Variants in GLG1 observed in about 807,000 individuals in gnomAD.
GLG1 encodes Golgi apparatus protein 1.
In GLG1, 38 loss-of-function variants were observed where a neutral mutation model predicts 160.5. The observed-to-expected ratio is 0.24, with a 90% CI of 0.18 to 0.31. GLG1 has a LOEUF of 0.31. Among genes scored for constraint, GLG1 ranks in the 10% least tolerant of loss-of-function variants. The pLI is 1.00. For missense variants in GLG1, 1,373 were observed against 1,505.2 expected (o/e 0.91, Z 1.45); for synonymous variants, 644 against 543.4 (o/e 1.19, Z -2.57).
chr16:74,535,871 CAATT>C (rs547387861), intron 1 of GLG1, among the ~76,000 whole-genome samples: 36 of 152,092 alleles, frequency 2.4e-4, no homozygotes, highest in African/African-American at 8.7e-4. Flanking sequence ...ATAATTGTGA[CAATT>C]AATTTCAGAA....
chr16:74,556,166 A>C (rs946889412), intron 1 of GLG1, among the ~76,000 whole-genome samples: 5 of 152,202 alleles, frequency 3.3e-5, no homozygotes, highest in African/African-American at 1.2e-4. Context: ...TACAGTTAAC[A>C]GTTAATTACA....
intron 1 of GLG1, among the ~76,000 whole-genome samples, chr16:74,571,483 G>A (rs1167956413): frequency 6.6e-6 from 1 of 152,022 alleles, no homozygotes; most frequent in Non-Finnish European, 1.5e-5. Context: ...GACCAGACTG[G>A]GCAACATTCA....
intron 13 of GLG1, among the ~76,000 whole-genome samples, chr16:74,473,108 C>T (rs539120056): frequency 2.0e-5 from 3 of 152,372 alleles, no homozygotes; most frequent in South Asian, 2.1e-4. Flanking sequence ...TAGTTCCCCA[C>T]TTCTCTGATT....
Position 74,496,588 on chromosome 16 carries a change from T to G in GLG1, c.831A>C (p.Glu277Asp). The G allele has an allele frequency of 6.2e-7, 1 of 1,613,524 alleles. No homozygotes were observed. The highest frequency in any genetic ancestry group is 1.1e-5 in the South Asian group (1 of 91,064). Residue 277 changes from glutamate to aspartate, a missense_variant, in exon 5 of 26, where the codon GAA becomes GAC. Physicochemically the swap from Glu to Asp is conservative, Grantham distance 45 (BLOSUM62 2). Coordinates refer to ENST00000422840, the MANE Select transcript of GLG1 (RefSeq NM_001145667.2). ...GAATCTTGGGTTCTCTTTCTTCTGC[T>G]TCTTTCACCAGGCCTTTCTCCAAGC... The part of the protein sequence containing the change: ...VSCLEKGLVK[E>D]AEEREPKIQV...
intron 1 of GLG1, among the ~76,000 whole-genome samples, chr16:74,595,515 C>T (rs985765208): frequency 6.6e-6 from 1 of 152,120 alleles, no homozygotes; most frequent in Admixed American, 6.6e-5. Flanking sequence ...CCCGCCTGGG[C>T]GACAGAGCAA....
chr16:74,455,682 G>A (rs942196478), intron 25 of GLG1, among the ~76,000 whole-genome samples: 3 of 152,174 alleles, frequency 2.0e-5, no homozygotes, highest in Non-Finnish European at 2.9e-5. Flanking sequence ...GGAAGGAGGG[G>A]TGGTCCTGGG....
chr16:74,588,277 G>A (rs990686056), intron 1 of GLG1, among the ~76,000 whole-genome samples: 1 of 151,508 alleles, frequency 6.6e-6, no homozygotes, highest in African/African-American at 2.4e-5. Context: ...AAATGGTAGG[G>A]GCATAAAAAT....
intron 11 of GLG1, among the ~76,000 whole-genome samples, chr16:74,478,316 A>G (rs942103292): frequency 1.3e-5 from 2 of 152,182 alleles, no homozygotes; most frequent in African/African-American, 4.8e-5. Context: ...GAAAATGTAG[A>G]TATAACATTA....
At chr16:74,592,036 C>T (rs1296800241) in intron 1 of GLG1, among the ~76,000 whole-genome samples, 4 of 152,154 alleles carry the variant, frequency 2.6e-5, no homozygotes, top group African/African-American at 9.7e-5. Context: ...GGGCTCTCAC[C>T]GTATTGCCAA....
chr16:74,509,620 C>T (rs1202371145), intron 2 of GLG1, among the ~76,000 whole-genome samples: 1 of 151,764 alleles, frequency 6.6e-6, no homozygotes, highest in African/African-American at 2.4e-5. Flanking sequence ...GAGGCAGAGG[C>T]GGGCGGATCA....
chr16:74,496,617 A>C lies in GLG1; in HGVS notation c.802T>G (p.Ser268Ala), dbSNP rs1210811315. The change falls in exon 5 of 26, where the codon TCA becomes GCA. Residue 268 changes from serine (S) to alanine (A), a missense_variant. Transcript: ENST00000422840. ...KDAHSQGEVVSCLEKGLVKEA... is the reference protein window; with the variant it reads ...KDAHSQGEVVACLEKGLVKEA... ...TTCACCAGGCCTTTCTCCAAGCATGATACCACCTCACCTTGTGAATGTGCA... is the reference window on the plus strand; with the variant it reads ...TTCACCAGGCCTTTCTCCAAGCATGCTACCACCTCACCTTGTGAATGTGCA... 1 of 1,612,320 alleles carries C rather than the reference A, an allele frequency of 6.2e-7. No individual in the cohort carries two copies. The highest frequency in any genetic ancestry group is 1.1e-5 in the South Asian group (1 of 91,054).
At chr16:74,552,366 A>C in intron 1 of GLG1, 6 of 589,298 alleles carry the variant, frequency 1.0e-5, no homozygotes, top group Non-Finnish European at 2.0e-5. Context: ...GCAGAAGACA[A>C]GAATGTGCCC....
intron 2 of GLG1, among the ~76,000 whole-genome samples, chr16:74,509,965 G>A (rs1005322736): frequency 6.6e-6 from 1 of 151,834 alleles, no homozygotes; most frequent in South Asian, 2.1e-4. Flanking sequence ...GGGATTACAA[G>A]TGCGAGCCAG....
intron 3 of GLG1, among the ~76,000 whole-genome samples, chr16:74,506,029 T>TA (rs59306961): frequency 0.031 from 2,845 of 92,448 alleles, 51 homozygotes; most frequent in African/African-American, 0.044. Flanking sequence ...GACTCCATCT[T>TA]AAAAAAAAAA....
intron 1 of GLG1, among the ~76,000 whole-genome samples, chr16:74,573,194 AT>A (rs1468323623): frequency 6.6e-6 from 1 of 152,210 alleles, no homozygotes; most frequent in Non-Finnish European, 1.5e-5. Context: ...GAATGAAGAT[AT>A]TTCTAGACAA....
chr16:74,511,517 T>G (rs1272324176), intron 2 of GLG1, among the ~76,000 whole-genome samples: 1 of 145,350 alleles, frequency 6.9e-6, no homozygotes, highest in Non-Finnish European at 1.5e-5. Flanking sequence ...CCAGGCGTGG[T>G]GGTGCATGCC....
At position 74,474,562 on chromosome 16, in the gene GLG1, G is replaced by A; in HGVS notation, c.2036C>T (p.Thr679Ile). 6.5e-7 allele frequency: 1 copy of A among 1,531,368 alleles called. No homozygotes were observed. Among genetic ancestry groups the A allele is most frequent in the Non-Finnish European group, 9.1e-7 (1 of 1,104,562 alleles). 94.9% of individuals were successfully genotyped at this position (1,531,368 alleles called of 1,614,324 possible). A position where few individuals can be genotyped will look rare whatever the true frequency, so the allele number is the denominator to read the frequency against. ...ACCACTTACCTCTGATTCTAACTCA[G>A]TGAGGTTGCCAACTATATCTCTACA... ...VECRDIVGNL[T>I]ELESEDIQIE... Residue 679 changes from threonine to isoleucine, a missense_variant, in exon 13 of 26, where the codon ACT becomes ATT. Transcript: ENST00000422840.
In GLG1 at chr16:74,482,712, T is replaced by C. The variant is rs537761988; in HGVS notation, c.1673+311A>G. On this transcript the variant is annotated intron_variant, in intron 10 of 25. Coordinates refer to ENST00000422840, the MANE Select transcript of GLG1 (RefSeq NM_001145667.2). ...TTCTTAGAGACATATCTGAAGGCGC[T>C]TTTGCCACCCCCACAGGTGCCATAC... Among the ~76,000 whole-genome samples the C allele has an allele frequency of 5.3e-5, 8 of 152,326 alleles. 1 individual carries two copies. The South Asian group carries it at 1.2e-3, about 24-fold the overall frequency.
intron 1 of GLG1, among the ~76,000 whole-genome samples, chr16:74,596,994 A>C (rs996690724): frequency 1.3e-5 from 2 of 151,948 alleles, no homozygotes; most frequent in Non-Finnish European, 2.9e-5. Flanking sequence ...TATGGTTACT[A>C]CTAAGGAGGA....
Sources: allele counts gnomAD v4.1 joint callset (sites outside exome capture counted in the v4.1 genomes callset), GRCh38; gene constraint gnomAD v4.1.1; transcripts MANE v1.5; gene names NCBI Gene and HGNC (gene_info 2026-07-23, HGNC 2026-07-21).